PGM5: variants seen among roughly 807,000 people sequenced by gnomAD.
PGM5 encodes the protein phosphoglucomutase-like protein 5.
In PGM5, 23 loss-of-function variants were observed where a neutral mutation model predicts 59.2. The observed-to-expected ratio is 0.39, with a 90% CI of 0.28 to 0.55. The LOEUF is 0.55. Ranked by LOEUF, PGM5 falls within the 20% of genes least tolerant of loss-of-function variation. The probability of loss-of-function intolerance (pLI) is 0.66; values close to 1 mark genes in which losing one functional copy is unlikely to be tolerated. For synonymous variants in PGM5, 214 were observed against 286.0 expected, an observed-to-expected ratio of 0.75 and a Z score of 2.54; for missense variants, 574 against 748.3, an observed-to-expected ratio of 0.77 and a Z score of 2.72.
At chr9:68,433,020 A>G (rs1385752201) in intron 6 of PGM5, among the ~76,000 whole-genome samples, 2 of 152,208 alleles carry the variant, frequency 1.3e-5, no homozygotes, top group South Asian at 4.1e-4. Flanking sequence ...ATTTTGCACT[A>G]TATATACAAT....
chr9:68,461,650 G>A (rs1823861010), intron 6 of PGM5, among the ~76,000 whole-genome samples: 1 of 152,128 alleles, frequency 6.6e-6, no homozygotes, highest in African/African-American at 2.4e-5. Flanking sequence ...TTTTCCTGCT[G>A]CCTTTGCCAT....
chr9:68,516,121 T>TC (rs1417825993), intron 10 of PGM5, among the ~76,000 whole-genome samples: 1 of 152,232 alleles, frequency 6.6e-6, no homozygotes, highest in Non-Finnish European at 1.5e-5. Context: ...CTAAACAGTG[T>TC]CCCTGGTATT....
intron 6 of PGM5, among the ~76,000 whole-genome samples, chr9:68,428,303 C>T (rs1823280841): frequency 6.6e-6 from 1 of 152,126 alleles, no homozygotes; most frequent in Non-Finnish European, 1.5e-5. Flanking sequence ...CAAATGTCCC[C>T]AGGGAGACGG....
At chr9:68,475,223 C>T (rs1220936371) in intron 7 of PGM5, among the ~76,000 whole-genome samples, 3 of 132,694 alleles carry the variant, frequency 2.3e-5, no homozygotes, top group African/African-American at 8.8e-5. Flanking sequence ...TTAGTAGAGA[C>T]GAGGTTTCAC....
At chr9:68,521,954 C>T (rs564931886) in intron 10 of PGM5, among the ~76,000 whole-genome samples, 5 of 152,246 alleles carry the variant, frequency 3.3e-5, no homozygotes, top group East Asian at 1.9e-4. Flanking sequence ...TTAGAGCTCA[C>T]ATTTGAATAA....
At chr9:68,365,666 G>A (rs1834665413) in intron 1 of PGM5, among the ~76,000 whole-genome samples, 2 of 152,088 alleles carry the variant, frequency 1.3e-5, no homozygotes, top group South Asian at 4.1e-4. Flanking sequence ...CTCTTTTTAA[G>A]TTTGTACTAG....
rs188559239 is a variant in PGM5 at position 68,473,889 on chromosome 9, C to G, written c.1160-5529C>G. On this transcript the variant is annotated intron_variant, in intron 7 of 10. Coordinates refer to ENST00000396396, the MANE Select transcript of PGM5 (RefSeq NM_021965.4). The stretch of plus-strand genomic sequence containing the variant: ...TGAAGCTGACTCCAGTGAGAACCCC[C>G]CCATGTGAGCAAGGCCAGGGCCGTG... Among the ~76,000 whole-genome samples the G allele has an allele frequency of 4.5e-3, 692 of 152,154 alleles. 1 individual carries two copies. Among genetic ancestry groups the G allele is most frequent in the Middle Eastern group, 6.8e-3 (2 of 294 alleles).
At chr9:68,371,054 CAT>C (rs1451022938) in intron 1 of PGM5, among the ~76,000 whole-genome samples, 3 of 151,950 alleles carry the variant, frequency 2.0e-5, no homozygotes, top group Non-Finnish European at 4.4e-5. Context: ...GGGATCTGTA[CAT>C]GTGTGTGAGT....
At chr9:68,370,144 A>C (rs1316017074) in intron 1 of PGM5, among the ~76,000 whole-genome samples, 1 of 152,046 alleles carries the variant, frequency 6.6e-6, no homozygotes, top group Non-Finnish European at 1.5e-5. Flanking sequence ...CCTGGAGAAC[A>C]CTTCCTCTGT....
intron 1 of PGM5, among the ~76,000 whole-genome samples, chr9:68,369,091 A>C (rs2810260): frequency 2.8e-5 from 4 of 144,112 alleles, no homozygotes; most frequent in Admixed American, 2.1e-4. Context: ...CATTAAAATC[A>C]TGTTGTGGAA....
chr9:68,526,310 C>T (rs1824973299), intron 10 of PGM5, among the ~76,000 whole-genome samples: 2 of 152,162 alleles, frequency 1.3e-5, no homozygotes, highest in Admixed American at 1.3e-4. Flanking sequence ...GCCGGATTAG[C>T]CCAGGCTCTT....
At chr9:68,364,672 G>T (rs1282558663) in intron 1 of PGM5, among the ~76,000 whole-genome samples, 1 of 152,156 alleles carries the variant, frequency 6.6e-6, no homozygotes, top group Admixed American at 6.5e-5. Flanking sequence ...TGTGGAATTA[G>T]CAAATCTATT....
At chr9:68,429,375 A>C (rs1823304907) in intron 6 of PGM5, 1 of 152,174 alleles carries the variant, frequency 6.6e-6, no homozygotes, top group East Asian at 1.9e-4. Context: ...AAAAATCATC[A>C]ACCAACCAAC....
Position 68,466,272 on chromosome 9 carries a change from T to TGTG in PGM5, c.1159+1064_1159+1065insGTG, listed in dbSNP as rs1554685804. 4,069 of 701,834 alleles carry TGTG rather than the reference T, an allele frequency of 5.8e-3. 57 individuals carry two copies. In the African/African-American group the frequency reaches 0.075, roughly 13 times the overall value. The allele number at this position is 701,834 out of a possible 1,614,324, so 43.5% of individuals were successfully genotyped here. The stretch of plus-strand genomic sequence containing the variant: ...ATTCTTCTTCTCCGATACTGTGTGT[T>TGTG]TTTTTTTTTTTTTTAGCATTTCTCT... On this transcript the variant is annotated intron_variant, in intron 7 of 10. Transcript: ENST00000396396.
chr9:68,505,907 C>A (rs1157374136), intron 10 of PGM5, among the ~76,000 whole-genome samples: 5 of 152,190 alleles, frequency 3.3e-5, no homozygotes, highest in African/African-American at 1.2e-4. Context: ...GTTCCTCTGG[C>A]AGCCAGCCCT....
intron 7 of PGM5, among the ~76,000 whole-genome samples, chr9:68,471,202 A>G (rs1554686205): frequency 3.3e-5 from 5 of 152,220 alleles, no homozygotes; most frequent in African/African-American, 9.6e-5. Flanking sequence ...GTATCCTGGG[A>G]CTGACTGGGA....
chr9:68,413,316 T>G (rs1554681749), intron 6 of PGM5, among the ~76,000 whole-genome samples: 1 of 152,040 alleles, frequency 6.6e-6, no homozygotes, highest in African/African-American at 2.4e-5. Flanking sequence ...TCCTCTCTCC[T>G]GGGTAAGAAA....
intron 2 of PGM5, among the ~76,000 whole-genome samples, chr9:68,381,034 G>C (rs1193707505): frequency 5.9e-5 from 9 of 151,826 alleles, no homozygotes; most frequent in Admixed American, 5.3e-4. Context: ...ACACTTCTTA[G>C]ACTCTTCCAA....
intron 6 of PGM5, among the ~76,000 whole-genome samples, chr9:68,404,252 G>A (rs371964971): frequency 1.4e-4 from 21 of 152,176 alleles, no homozygotes; most frequent in African/African-American, 4.3e-4. Context: ...TCAGCCTCCC[G>A]AGCAGCTGGG....
Sources: allele counts gnomAD v4.1 joint callset (sites outside exome capture counted in the v4.1 genomes callset), GRCh38; gene constraint gnomAD v4.1.1; transcripts MANE v1.5; gene names NCBI Gene and HGNC (gene_info 2026-07-23, HGNC 2026-07-21).